The following THSD7B variants were observed in gnomAD, a reference collection of about 807,000 sequenced individuals.
The protein encoded by THSD7B is thrombospondin type-1 domain-containing protein 7B.
THSD7B carries 138 observed loss-of-function variants against 213.6 expected under a neutral mutation model. The observed-to-expected ratio is 0.65, with a 90% confidence interval of 0.56 to 0.74. The LOEUF (loss-of-function observed/expected upper bound fraction) is 0.74, where lower values mean the gene tolerates loss of function less well. Among genes scored for constraint, THSD7B ranks in the 30% least tolerant of loss-of-function variants. THSD7B has a pLI of 0.00. For missense variants in THSD7B, 1,931 were observed against 1,991.5 expected (o/e 0.97, Z 0.58); for synonymous variants, 742 against 687.0 (o/e 1.08, Z -1.25).
At chr2:136,885,902 G>T (rs1309369551) in intron 2 of THSD7B, among the ~76,000 whole-genome samples, 1 of 152,122 alleles carries the variant, frequency 6.6e-6, no homozygotes, top group Non-Finnish European at 1.5e-5. Context: ...GATATGCAGT[G>T]GGAGCAGGGA....
chr2:137,400,591 G>A (rs184044236), intron 12 of THSD7B, among the ~76,000 whole-genome samples: 3 of 152,254 alleles, frequency 2.0e-5, no homozygotes, highest in African/African-American at 2.4e-5. Context: ...AGCTGGGGTG[G>A]CATACGCAAT....
At chr2:136,818,645 A>G (rs1001715827) in intron 1 of THSD7B, among the ~76,000 whole-genome samples, 2 of 152,182 alleles carry the variant, frequency 1.3e-5, no homozygotes, top group South Asian at 2.1e-4. Context: ...GGAATTGACT[A>G]TAGTCCCTTG....
intron 7 of THSD7B, among the ~76,000 whole-genome samples, chr2:137,224,618 C>T (rs891789271): frequency 3.3e-5 from 5 of 152,130 alleles, no homozygotes; most frequent in African/African-American, 1.2e-4. Flanking sequence ...TAGGACATAA[C>T]AGTATGTTTC....
chr2:136,944,481 G>T (rs548923361), intron 2 of THSD7B, among the ~76,000 whole-genome samples: 8 of 152,116 alleles, frequency 5.3e-5, no homozygotes, highest in African/African-American at 1.9e-4. Flanking sequence ...TGACAGTGGG[G>T]TGTTAAAGTC....
intron 1 of THSD7B, among the ~76,000 whole-genome samples, chr2:136,802,032 GT>G (rs1024412931): frequency 8.5e-5 from 13 of 152,206 alleles, no homozygotes; most frequent in Middle Eastern, 3.4e-3. Flanking sequence ...TTTCCGAACA[GT>G]TAATAATTGT....
chr2:137,636,929 C>T (rs1682844129), intron 20 of THSD7B, among the ~76,000 whole-genome samples: 1 of 152,176 alleles, frequency 6.6e-6, no homozygotes, highest in Non-Finnish European at 1.5e-5. Flanking sequence ...CTCAAGTGAT[C>T]CCCCTGCCTC....
At chr2:137,366,625 G>A (rs773044829) in intron 12 of THSD7B, among the ~76,000 whole-genome samples, 1 of 147,348 alleles carries the variant, frequency 6.8e-6, no homozygotes, top group African/African-American at 2.6e-5. Context: ...ACATACAATC[G>A]TAAAAAAAAA....
chr2:137,097,769 G>GACACAC (rs3050089), intron 4 of THSD7B, among the ~76,000 whole-genome samples: 13,093 of 141,266 alleles, frequency 0.093, 724 homozygotes, highest in African/African-American at 0.13. Context: ...CGCTAAGTTT[G>GACACAC]ACACACACAC....
chr2:137,533,013 T>C (rs1177192060), intron 15 of THSD7B, among the ~76,000 whole-genome samples: 1 of 151,136 alleles, frequency 6.6e-6, no homozygotes, highest in East Asian at 1.9e-4. Flanking sequence ...TATGTAATAT[T>C]CCTTATGTGA....
intron 2 of THSD7B, among the ~76,000 whole-genome samples, chr2:136,960,767 G>A (rs558833899): frequency 1.3e-5 from 2 of 152,190 alleles, no homozygotes; most frequent in East Asian, 3.9e-4. Context: ...TGTGGACTCA[G>A]AGGGAAGAAA....
intron 21 of THSD7B, among the ~76,000 whole-genome samples, chr2:137,651,795 A>T (rs928140891): frequency 2.0e-5 from 3 of 151,834 alleles, no homozygotes; most frequent in African/African-American, 7.2e-5. Flanking sequence ...CATTTTCTTA[A>T]TTTTTTAATT....
rs187211243 is a variant in THSD7B, at chr2:137,419,110, G to A, written c.2959+7238G>A. Among the ~76,000 whole-genome samples, 9 of 151,972 alleles carry A rather than the reference G, an allele frequency of 5.9e-5. No homozygotes were observed. In the East Asian group the frequency reaches 1.8e-3, roughly 30 times the overall value. ...TTTACTGGAGATGGGTTTTCACCAT[G>A]TTGCCCTGGCTGGTCTTGAACTCCT... On this transcript the variant is annotated intron_variant, in intron 14 of 27. Transcript: ENST00000409968.
intron 1 of THSD7B, among the ~76,000 whole-genome samples, chr2:136,838,205 T>G (rs2104953238): frequency 6.6e-6 from 1 of 152,332 alleles, no homozygotes; most frequent in East Asian, 1.9e-4. Context: ...TTGTTTTTTT[T>G]GTTTGATGCT....
chr2:137,435,326 A>G (rs745482670), intron 14 of THSD7B, among the ~76,000 whole-genome samples: 38 of 152,318 alleles, frequency 2.5e-4, no homozygotes, highest in Non-Finnish European at 4.3e-4. Context: ...ATGTTATTTC[A>G]TAACGTCTGT....
intron 2 of THSD7B, among the ~76,000 whole-genome samples, chr2:136,910,818 AATG>A (rs1288290101): frequency 6.6e-6 from 1 of 152,058 alleles, no homozygotes; most frequent in African/African-American, 2.4e-5. Context: ...TTGATTTTAT[AATG>A]ATATATGATT....
chr2:137,507,492 T>A (rs1242979466), intron 15 of THSD7B, among the ~76,000 whole-genome samples: 1 of 152,176 alleles, frequency 6.6e-6, no homozygotes, highest in African/African-American at 2.4e-5. Flanking sequence ...CTTTGCCACT[T>A]AGGCAGGCAG....
intron 14 of THSD7B, among the ~76,000 whole-genome samples, chr2:137,441,124 T>C (rs1185781564): frequency 2.0e-5 from 3 of 152,294 alleles, no homozygotes; most frequent in Non-Finnish European, 4.4e-5. Context: ...TATATTGTTC[T>C]CTAACAACAT....
At chr2:137,280,568 A>C (rs905598782) in intron 12 of THSD7B, among the ~76,000 whole-genome samples, 10 of 152,136 alleles carry the variant, frequency 6.6e-5, no homozygotes, top group Non-Finnish European at 1.2e-4. Flanking sequence ...CAGCACATAG[A>C]GTTATAGCTG....
At chr2:136,879,772 A>T (rs1683587896) in intron 1 of THSD7B, among the ~76,000 whole-genome samples, 1 of 152,112 alleles carries the variant, frequency 6.6e-6, no homozygotes, top group African/African-American at 2.4e-5. Flanking sequence ...ATGAAGGAAG[A>T]TCTACCAAGC....
Sources: allele counts gnomAD v4.1 joint callset (sites outside exome capture counted in the v4.1 genomes callset), GRCh38; gene constraint gnomAD v4.1.1; transcripts MANE v1.5; gene names NCBI Gene and HGNC (gene_info 2026-07-23, HGNC 2026-07-21).